The following ZNHIT6 variants were observed in gnomAD, a reference collection of about 807,000 sequenced individuals.
ZNHIT6 encodes box C/D snoRNA protein 1.
Under a neutral mutation model 57.2 loss-of-function variants are expected in ZNHIT6, and 45 were observed. The ratio of observed to expected loss-of-function variants is 0.79; its 90% confidence interval spans 0.62 to 1.01. ZNHIT6 has a LOEUF of 1.01. ZNHIT6 is among the 50% of genes least tolerant of loss of function. The pLI, the probability that ZNHIT6 is intolerant of heterozygous loss-of-function variation, is 0.00. For missense variants in ZNHIT6, 528 were observed against 567.3 expected (o/e 0.93, Z 0.70); for synonymous variants, 188 against 190.0 (o/e 0.99, Z 0.09).
chr1:85,697,354 T>TTTC (rs1298520738), intron 5 of ZNHIT6, among the ~76,000 whole-genome samples: 13 of 57,628 alleles, frequency 2.3e-4, no homozygotes, highest in African/African-American at 6.2e-4. Flanking sequence ...GGATGGGATG[T>TTTC]TTCTTCTCTT....
chr1:85,661,088 A>G (rs1042227755), intron 8 of ZNHIT6, among the ~76,000 whole-genome samples: 4 of 152,222 alleles, frequency 2.6e-5, no homozygotes, highest in Non-Finnish European at 4.4e-5. Context: ...GTTACTCTTA[A>G]TCTACCATTA....
intron 7 of ZNHIT6, 135 bp from the exon 8 acceptor site, chr1:85,677,448 G>A (rs1661735875): frequency 1.7e-6 from 1 of 591,344 alleles, no homozygotes; most frequent in Non-Finnish European, 2.7e-6. Context: ...AGATAAAGAT[G>A]TTTTCTAACC....
intron 5 of ZNHIT6, among the ~76,000 whole-genome samples, chr1:85,682,016 C>CT (rs11394559): frequency 0.87 from 114,840 of 132,284 alleles, 51,136 homozygotes; most frequent in Non-Finnish European, 0.96. Flanking sequence ...TTTTGTTCAT[C>CT]TTTTTTTTTT....
intron 8 of ZNHIT6, among the ~76,000 whole-genome samples, chr1:85,667,050 TG>T (rs1661389145): frequency 6.6e-6 from 1 of 152,192 alleles, no homozygotes; most frequent in African/African-American, 2.4e-5. Context: ...GAACTGTGGT[TG>T]GGTTTCACAT....
At position 85,681,159 on chromosome 1, in the gene ZNHIT6, G is replaced by A. The variant is rs561959708; in HGVS notation, c.1020-255C>T. Among the ~76,000 whole-genome samples, 5 of 152,354 alleles carry A rather than the reference G, an allele frequency of 3.3e-5. No homozygotes were observed. In the South Asian group the frequency reaches 1.0e-3, roughly 32 times the overall value. On this transcript the variant is annotated intron_variant, in intron 5 of 9. Transcript: ENST00000370574. ...CATAGTTCAGGGGCTTTTGGGAGCA[G>A]TGTGCTACTATTTGAAGTTTACAAA...
chr1:85,686,937 A>G (rs1400559724), intron 5 of ZNHIT6, among the ~76,000 whole-genome samples: 1 of 151,994 alleles, frequency 6.6e-6, no homozygotes, highest in Non-Finnish European at 1.5e-5. Context: ...AGGGATAACA[A>G]CGGTATTTCT....
intron 8 of ZNHIT6, among the ~76,000 whole-genome samples, chr1:85,659,797 G>C (rs1467278253): frequency 6.6e-6 from 1 of 152,172 alleles, no homozygotes; most frequent in Non-Finnish European, 1.5e-5. Flanking sequence ...GCAGAGCCAA[G>C]CTTACTAAAG....
rs1305555464 is a variant in ZNHIT6, at chr1:85,650,348, T to C, written c.*3710A>G. 6.6e-6 allele frequency: 1 copy of C among 152,130 alleles called. No individual in the cohort carries two copies. Among genetic ancestry groups the C allele is most frequent in the Non-Finnish European group, 1.5e-5 (1 of 68,030 alleles). 9.4% of individuals were successfully genotyped at this position (152,130 alleles called of 1,614,324 possible). A position where few individuals can be genotyped will look rare whatever the true frequency, so the allele number is the denominator to read the frequency against. Reference sequence around the variant, plus strand: ...AAAATCTGAAAAGAAAACCAATCCATAAAGAAGAAAATAATCAGAGCCAAG... The same window carrying C: ...AAAATCTGAAAAGAAAACCAATCCACAAAGAAGAAAATAATCAGAGCCAAG... On this transcript the variant is annotated 3_prime_UTR_variant, in exon 10 of 10. Coordinates refer to ENST00000370574, the MANE Select transcript of ZNHIT6 (RefSeq NM_017953.4).
chr1:85,683,067 A>G (rs1661922395), intron 5 of ZNHIT6, among the ~76,000 whole-genome samples: 1 of 152,086 alleles, frequency 6.6e-6, no homozygotes, highest in South Asian at 2.1e-4. Flanking sequence ...AAATACAAAA[A>G]TGAGCCAGGC....
At chr1:85,707,386 C>T (rs1054198150) in intron 1 of ZNHIT6, among the ~76,000 whole-genome samples, 2 of 152,160 alleles carry the variant, frequency 1.3e-5, no homozygotes, top group Non-Finnish European at 2.9e-5. Context: ...TTTCCACTTT[C>T]CTAACTTGAC....
chr1:85,664,572 G>A (rs1461107261), intron 8 of ZNHIT6, among the ~76,000 whole-genome samples: 1 of 152,050 alleles, frequency 6.6e-6, no homozygotes, highest in African/African-American at 2.4e-5. Context: ...CTTATAAGTG[G>A]GAGCTAAATG....
intron 8 of ZNHIT6, among the ~76,000 whole-genome samples, chr1:85,670,959 A>G (rs1441085532): frequency 1.3e-5 from 2 of 151,846 alleles, no homozygotes; most frequent in Admixed American, 1.3e-4. Flanking sequence ...CAGTCAGTCC[A>G]TTAAATTCGA....
Position 85,708,415 on chromosome 1 carries a change from T to G in ZNHIT6, c.-131A>C, listed in dbSNP as rs1184166586. ...GAGCCAAGCAGCCACAAACCCGGAA[T>G]AGCCTGCTTGACGCGACTGCTCGAA... On this transcript the variant is annotated 5_prime_UTR_variant, in exon 1 of 10. Transcript: ENST00000370574. The G allele has an allele frequency of 3.3e-6, 4 of 1,194,680 alleles. No homozygotes were observed. Among genetic ancestry groups the G allele is most frequent in the East Asian group, 5.0e-5 (2 of 40,388 alleles). The allele number at this position is 1,194,680 out of a possible 1,614,324, so 74.0% of individuals were successfully genotyped here.
chr1:85,703,578 A>C (rs930475829), intron 4 of ZNHIT6, among the ~76,000 whole-genome samples: 2 of 152,168 alleles, frequency 1.3e-5, no homozygotes, highest in African/African-American at 2.4e-5. Context: ...GGAAAAGTGG[A>C]TTATCTATAT....
At chr1:85,703,466 C>A (rs1317893250) in intron 4 of ZNHIT6, among the ~76,000 whole-genome samples, 1 of 152,100 alleles carries the variant, frequency 6.6e-6, no homozygotes, top group African/African-American at 2.4e-5. Flanking sequence ...ATGGAAAAGA[C>A]AAGGCCACAA....
In ZNHIT6 at chr1:85,706,027, C is replaced by G. The variant is rs879138425; in HGVS notation, c.915+51G>C. 4.5e-6 allele frequency: 6 copies of G among 1,334,714 alleles called. No individual in the cohort carries two copies. The African/African-American group carries it at 7.5e-5, about 17-fold the overall frequency. 82.7% of individuals were successfully genotyped at this position (1,334,714 alleles called of 1,614,324 possible). ...GGTAAGTTAAAAAAAAAAAAAGAAT[C>G]TAATTGATTTGAAGGACTTCTAACT... On this transcript the variant is annotated intron_variant, in intron 4 of 9. Coordinates refer to ENST00000370574, the MANE Select transcript of ZNHIT6 (RefSeq NM_017953.4).
At chr1:85,654,204 C>T (rs1001048242) in intron 9 of ZNHIT6, 106 bp from the exon 10 acceptor site, 5 of 853,258 alleles carry the variant, frequency 5.9e-6, no homozygotes, top group Middle Eastern at 2.3e-4. Flanking sequence ...AAGCACTGCT[C>T]ACAGGGACAC....
At chr1:85,663,888 A>G (rs1023041366) in intron 8 of ZNHIT6, among the ~76,000 whole-genome samples, 1 of 151,922 alleles carries the variant, frequency 6.6e-6, no homozygotes, top group African/African-American at 2.4e-5. Flanking sequence ...TCTGGCTTGT[A>G]AAGAGTTTCT....
intron 5 of ZNHIT6, among the ~76,000 whole-genome samples, chr1:85,688,927 T>C (rs1437602244): frequency 6.6e-6 from 1 of 152,226 alleles, no homozygotes; most frequent in Non-Finnish European, 1.5e-5. Flanking sequence ...CATTCAGTTA[T>C]GAGAGTCAAA....
Sources: gnomAD v4.1 joint callset for allele counts (sites outside exome capture counted in the v4.1 genomes callset) on GRCh38, gnomAD v4.1.1 for gene constraint, MANE v1.5 for transcripts, NCBI Gene and HGNC (gene_info 2026-07-23, HGNC 2026-07-21) for gene names.